Variants in GYPC observed in about 807,000 individuals in gnomAD.
GYPC encodes glycophorin-C.
A neutral mutation model predicts 12.6 loss-of-function variants in GYPC; 14 were observed. That is an observed-to-expected ratio of 1.11 (90% CI 0.74 to 1.74). GYPC has a LOEUF of 1.74. GYPC is among the 40% of genes most tolerant of loss of function. The pLI is 0.00. For missense variants in GYPC, 225 were observed against 172.1 expected (o/e 1.31, Z -1.72); for synonymous variants, 78 against 62.1 (o/e 1.26, Z -1.20).
chr2:126,675,887 C>A, intron 1 of GYPC: 1 of 164,072 alleles, frequency 6.1e-6, no homozygotes. Context: ...CATTTTTTCC[C>A]ACCTAAAACC....
Position 126,696,048 on chromosome 2 carries a change from G to C in GYPC, c.293G>C (p.Gly98Ala), listed in dbSNP as rs567759380. The change falls in exon 4 of 4, where the codon GGC becomes GCC. Residue 98 changes from glycine (G) to alanine (A), a missense_variant. Transcript: ENST00000259254. ...ACGTACCACACCAATGAGGCCAAGG[G>C]CACGGAGTTTGCTGAGAGTGCAGAT... is the stretch of plus-strand genomic sequence containing the variant. ...KGTYHTNEAK[G>A]TEFAESADAA... The C allele has an allele frequency of 1.9e-6, 3 of 1,614,130 alleles. 1 individual carries two copies. In the South Asian group the frequency reaches 3.3e-5, roughly 18 times the overall value.
chr2:126,674,102 G>C (rs28369984), intron 1 of GYPC, among the ~76,000 whole-genome samples: 4,626 of 152,268 alleles, frequency 0.03, 90 homozygotes, highest in Non-Finnish European at 0.046. Context: ...CCTGGGCATT[G>C]TATTATAATA....
Position 126,690,247 on chromosome 2 carries a change from G to A in GYPC, c.50-8G>A. The A allele has an allele frequency of 6.2e-7, 1 of 1,609,644 alleles. No individual in the cohort carries two copies. Among genetic ancestry groups the A allele is most frequent in the South Asian group, 1.1e-5 (1 of 90,982 alleles). ...CTCTGACCTCAGATTCTTGTCCTCT[G>A]TTCACAGAGCCTGATCCGGGGATGG... On this transcript the variant is annotated splice_region_variant and splice_polypyrimidine_tract_variant and intron_variant, in intron 1 of 3. Coordinates refer to ENST00000259254, the MANE Select transcript of GYPC (RefSeq NM_002101.5).
rs1051039229 is a variant in GYPC, at chr2:126,696,436, G to A, written c.*294G>A. 2 of 427,170 alleles carry A rather than the reference G, an allele frequency of 4.7e-6. No homozygotes were observed. The highest frequency in any genetic ancestry group is 7.1e-5 in the Admixed American group (2 of 28,332). The allele number at this position is 427,170 out of a possible 1,614,324, so 26.5% of individuals were successfully genotyped here. ...ACATGGGGCCCCCTGGGCAGTGCAGGACAACATCAGCTCACTGGCAGGAAA... is the reference window on the plus strand; with the variant it reads ...ACATGGGGCCCCCTGGGCAGTGCAGAACAACATCAGCTCACTGGCAGGAAA... On this transcript the variant is annotated 3_prime_UTR_variant, in exon 4 of 4. Coordinates refer to ENST00000259254, the MANE Select transcript of GYPC (RefSeq NM_002101.5).
At chr2:126,675,128 T>G (rs1682960629) in intron 1 of GYPC, among the ~76,000 whole-genome samples, 1 of 151,998 alleles carries the variant, frequency 6.6e-6, no homozygotes, top group Admixed American at 6.5e-5. Flanking sequence ...GCTGCAGCCC[T>G]ACCAGGCCCC....
intron 1 of GYPC, among the ~76,000 whole-genome samples, chr2:126,682,948 G>A (rs12990441): frequency 0.17 from 25,995 of 152,072 alleles, 2,274 homozygotes; most frequent in African/African-American, 0.21. Flanking sequence ...GAAATCTTCC[G>A]GCAGGGTGTG....
At chr2:126,686,418 A>C (rs1683290638) in intron 1 of GYPC, 2 of 985,504 alleles carry the variant, frequency 2.0e-6, no homozygotes. Context: ...TCCTGAGGAC[A>C]TAGAGAGTTA....
intron 1 of GYPC, among the ~76,000 whole-genome samples, chr2:126,663,964 CT>C: frequency 1.6e-5 from 1 of 61,758 alleles, no homozygotes; most frequent in Admixed American, 2.3e-4. Context: ...CTCTCTCTCT[CT>C]CTCTCTCTCT....
At chr2:126,677,489 C>G (rs1191708347) in intron 1 of GYPC, among the ~76,000 whole-genome samples, 1 of 51,372 alleles carries the variant, frequency 1.9e-5, no homozygotes, top group African/African-American at 8.5e-5. Context: ...ACGTGTGAGT[C>G]TGAGTGTGTG....
intron 1 of GYPC, among the ~76,000 whole-genome samples, chr2:126,682,703 C>G (rs905119488): frequency 2.0e-5 from 3 of 152,202 alleles, no homozygotes; most frequent in Non-Finnish European, 4.4e-5. Context: ...GCCAACTGTT[C>G]AGGGCAGCTT....
chr2:126,656,647 T>C (rs1682366404), intron 1 of GYPC, among the ~76,000 whole-genome samples: 1 of 152,202 alleles, frequency 6.6e-6, no homozygotes, highest in African/African-American at 2.4e-5. Context: ...CAGAATTGTC[T>C]CCCTAAAGAA....
At chr2:126,686,491 G>T in intron 1 of GYPC, 1 of 985,536 alleles carries the variant, frequency 1.0e-6, no homozygotes, top group African/African-American at 1.7e-5. Context: ...ACTCCACAAA[G>T]ATGAGCATAG....
At chr2:126,674,914 T>C (rs1682954148) in intron 1 of GYPC, among the ~76,000 whole-genome samples, 2 of 152,248 alleles carry the variant, frequency 1.3e-5, no homozygotes, top group Non-Finnish European at 2.9e-5. Flanking sequence ...GAGGCTGGCA[T>C]GCAATATTTG....
intron 1 of GYPC, among the ~76,000 whole-genome samples, chr2:126,678,022 C>A (rs1299241044): frequency 1.3e-5 from 2 of 152,172 alleles, no homozygotes; most frequent in South Asian, 2.1e-4. Context: ...GAGATCAAGA[C>A]CATCCTGGCT....
intron 1 of GYPC, among the ~76,000 whole-genome samples, chr2:126,656,794 G>T (rs1003041629): frequency 6.6e-6 from 1 of 152,240 alleles, no homozygotes; most frequent in Non-Finnish European, 1.5e-5. Context: ...CGCCGCAAAG[G>T]CACACAGATG....
At chr2:126,663,260 T>A (rs1359640574) in intron 1 of GYPC, among the ~76,000 whole-genome samples, 1 of 152,130 alleles carries the variant, frequency 6.6e-6, no homozygotes, top group South Asian at 2.1e-4. Context: ...ATTGTCTCAA[T>A]CTCCTGACCT....
intron 1 of GYPC, chr2:126,685,974 G>A (rs1019209187): frequency 1.0e-6 from 1 of 985,342 alleles, no homozygotes; most frequent in Non-Finnish European, 1.2e-6. Flanking sequence ...CTCACCCTGT[G>A]CCTGAATTCT....
chr2:126,675,696 G>C, intron 1 of GYPC: 14 of 985,150 alleles, frequency 1.4e-5, no homozygotes, highest in Non-Finnish European at 1.7e-5. Flanking sequence ...AGAAAACGCA[G>C]ACTTCTTAGT....
intron 1 of GYPC, among the ~76,000 whole-genome samples, chr2:126,674,867 A>G (rs1391447909): frequency 6.6e-6 from 1 of 152,148 alleles, no homozygotes; most frequent in East Asian, 1.9e-4. Flanking sequence ...AGCTTCTGTT[A>G]CTGTTAACCC....
Sources: allele counts gnomAD v4.1 joint callset (sites outside exome capture counted in the v4.1 genomes callset), GRCh38; gene constraint gnomAD v4.1.1; transcripts MANE v1.5; gene names NCBI Gene and HGNC (gene_info 2026-07-23, HGNC 2026-07-21).